Variants in TMEM117 observed in about 807,000 individuals in gnomAD.
TMEM117 encodes the protein transmembrane protein 117.
TMEM117 carries 27 observed loss-of-function variants against 52.4 expected under a neutral mutation model. That is an observed-to-expected ratio of 0.51 (90% confidence interval 0.38 to 0.71). The LOEUF (loss-of-function observed/expected upper bound fraction) is 0.71, where lower values mean the gene tolerates loss of function less well. TMEM117 is among the 30% of genes least tolerant of loss of function. TMEM117 has a pLI of 0.00. For missense variants in TMEM117, 556 were observed against 630.5 expected, an observed-to-expected ratio of 0.88 and a Z score of 1.26; for synonymous variants, 215 against 206.3, an observed-to-expected ratio of 1.04 and a Z score of -0.36.
rs1948795918 is a variant in TMEM117, at chr12:44,154,315, A to G, written c.510+10691A>G. The stretch of plus-strand genomic sequence containing the variant: ...TTAAATGCTATAGACAAGGACGCAC[A>G]AAAAGAAAGTAGGACACCACGTGGG... On this transcript the variant is annotated intron_variant, in intron 4 of 7. Coordinates refer to ENST00000266534, the MANE Select transcript of TMEM117 (RefSeq NM_032256.3). Among the ~76,000 whole-genome samples the G allele has an allele frequency of 1.3e-5, 2 of 152,110 alleles. 1 individual carries two copies. The highest frequency in any genetic ancestry group is 4.1e-4 in the South Asian group (2 of 4,832).
chr12:44,361,546 A>G (rs1422567166), intron 6 of TMEM117, among the ~76,000 whole-genome samples: 3 of 152,208 alleles, frequency 2.0e-5, no homozygotes, highest in Admixed American at 6.5e-5. Context: ...AGTTTCTGGC[A>G]CATGGTAAAC....
At chr12:44,332,992 T>C (rs1345553622) in intron 6 of TMEM117, among the ~76,000 whole-genome samples, 3 of 152,222 alleles carry the variant, frequency 2.0e-5, no homozygotes, top group Admixed American at 2.0e-4. Flanking sequence ...AATGTCTTTG[T>C]ACATTGACAG....
chr12:44,245,560 C>G (rs1356501432), intron 5 of TMEM117, among the ~76,000 whole-genome samples: 2 of 136,358 alleles, frequency 1.5e-5, no homozygotes, highest in Non-Finnish European at 3.0e-5. Context: ...TGCAACTTAA[C>G]TGAATTATTT....
chr12:44,339,234 G>A (rs1435222714), intron 6 of TMEM117, among the ~76,000 whole-genome samples: 1 of 151,946 alleles, frequency 6.6e-6, no homozygotes, highest in African/African-American at 2.4e-5. Flanking sequence ...AAATTTCATG[G>A]GTAAACATCT....
At chr12:44,337,645 A>G (rs1951359132) in intron 6 of TMEM117, among the ~76,000 whole-genome samples, 1 of 152,030 alleles carries the variant, frequency 6.6e-6, no homozygotes, top group Non-Finnish European at 1.5e-5. Context: ...CTGTGAGAGG[A>G]AAATAAACAA....
rs935369995 is a variant in TMEM117, at chr12:44,282,542, C to T, written c.609-17038C>T. On this transcript the variant is annotated intron_variant, in intron 5 of 7. Coordinates refer to ENST00000266534, the MANE Select transcript of TMEM117 (RefSeq NM_032256.3). ...AGAGACTAACGTCATTTTGCCCCTG[C>T]CCTAGAGATCTGTGGAACTTTAAAC... 3.3e-5 allele frequency among the ~76,000 whole-genome samples: 5 copies of T among 152,132 alleles called. No homozygotes were observed. In the South Asian group the frequency reaches 6.2e-4, roughly 19 times the overall value.
intron 3 of TMEM117, among the ~76,000 whole-genome samples, chr12:44,033,020 A>G (rs546667465): frequency 6.6e-6 from 1 of 152,348 alleles, no homozygotes; most frequent in South Asian, 2.1e-4. Context: ...TCTAAGTCAC[A>G]GGATGAGATA....
At chr12:43,803,605 T>C in the TMEM117 span, among the ~76,000 whole-genome samples, 169 of 152,258 alleles carry the variant, frequency 1.1e-3, 1 homozygote, top group African/African-American at 4.0e-3. Flanking sequence ...GATTAACTTT[T>C]CCATTTTAGT....
rs1436369037 is a variant in TMEM117 at position 44,058,123 on chromosome 12, TAGAG to T, written c.411-85398_411-85395del. 9.3e-5 allele frequency among the ~76,000 whole-genome samples: 14 copies of T among 151,240 alleles called. No homozygotes were observed. In the East Asian group the frequency reaches 9.6e-4, roughly 10 times the overall value. On this transcript the variant is annotated intron_variant, in intron 3 of 7. Coordinates refer to ENST00000266534, the MANE Select transcript of TMEM117 (RefSeq NM_032256.3). Reference sequence around the variant, plus strand: ...TCAATATTTAATTTGGAAAAAATAATAGAGAGATGTAGAAAATAGATTTTTTTTT... The same window carrying T: ...TCAATATTTAATTTGGAAAAAATAATAGATGTAGAAAATAGATTTTTTTTT...
intron 2 of TMEM117, among the ~76,000 whole-genome samples, chr12:43,879,034 G>T (rs1289032443): frequency 6.6e-6 from 1 of 152,130 alleles, no homozygotes; most frequent in African/African-American, 2.4e-5. Flanking sequence ...GAATAAGTTT[G>T]TCAAGCATGA....
chr12:43,904,289 G>A (rs1408111630), intron 2 of TMEM117, among the ~76,000 whole-genome samples: 2 of 152,068 alleles, frequency 1.3e-5, no homozygotes, highest in Non-Finnish European at 2.9e-5. Context: ...GGGGAGGATA[G>A]CTTGAGCCCA....
At chr12:43,954,395 G>C (rs2137643785) in intron 3 of TMEM117, among the ~76,000 whole-genome samples, 1 of 152,002 alleles carries the variant, frequency 6.6e-6, no homozygotes, top group African/African-American at 2.4e-5. Flanking sequence ...CAATAAAGTA[G>C]ATTGCTAGTG....
At chr12:44,349,210 A>G (rs17094509) in intron 6 of TMEM117, among the ~76,000 whole-genome samples, 4,235 of 151,958 alleles carry the variant, frequency 0.028, 96 homozygotes, top group African/African-American at 0.055. Flanking sequence ...TGCCTCTTCA[A>G]CCTTTCAGAG....
At chr12:44,348,200 A>G (rs1951513597) in intron 6 of TMEM117, among the ~76,000 whole-genome samples, 1 of 151,974 alleles carries the variant, frequency 6.6e-6, no homozygotes, top group Admixed American at 6.6e-5. Flanking sequence ...TGACTTTAAA[A>G]CAGAACACAT....
At chr12:44,117,308 T>G (rs763170121) in intron 3 of TMEM117, among the ~76,000 whole-genome samples, 36 of 152,200 alleles carry the variant, frequency 2.4e-4, no homozygotes, top group Non-Finnish European at 4.1e-4. Context: ...CTGATGCCGT[T>G]TGCACATGGA....
intron 3 of TMEM117, among the ~76,000 whole-genome samples, chr12:44,116,643 A>G (rs1660736064): frequency 6.6e-6 from 1 of 152,236 alleles, no homozygotes; most frequent in African/African-American, 2.4e-5. Context: ...CTTTTCCAAA[A>G]TTGAATGTAT....
At chr12:43,852,497 G>C (rs538938649) in intron 2 of TMEM117, among the ~76,000 whole-genome samples, 1 of 152,320 alleles carries the variant, frequency 6.6e-6, no homozygotes, top group East Asian at 1.9e-4. Flanking sequence ...AGCTACTTGG[G>C]AGGCTGAGGC....
intron 5 of TMEM117, among the ~76,000 whole-genome samples, chr12:44,224,538 C>G (rs1267801313): frequency 6.6e-6 from 1 of 151,618 alleles, no homozygotes; most frequent in African/African-American, 2.4e-5. Context: ...TCTCCTCCTT[C>G]TCTTCCTCCT....
intron 4 of TMEM117, among the ~76,000 whole-genome samples, chr12:44,186,400 G>GT (rs1949279035): frequency 1.3e-5 from 2 of 152,160 alleles, no homozygotes; most frequent in African/African-American, 4.8e-5. Context: ...CAACTTGTTT[G>GT]TTTAATTGAT....
Sources: gnomAD v4.1 joint callset for allele counts (sites outside exome capture counted in the v4.1 genomes callset) on GRCh38, gnomAD v4.1.1 for gene constraint, MANE v1.5 for transcripts, NCBI Gene and HGNC (gene_info 2026-07-23, HGNC 2026-07-21) for gene names.